The following ELAVL4 variants were observed in gnomAD, a reference collection of about 807,000 sequenced individuals.
ELAVL4 encodes the protein ELAV like RNA binding protein 4.
ELAVL4 carries 1 observed loss-of-function variant against 35.6 expected under a neutral mutation model. The observed-to-expected ratio is 0.03, with a 90% CI of 0.01 to 0.13. The LOEUF (loss-of-function observed/expected upper bound fraction) is 0.13, where lower values mean the gene tolerates loss of function less well. Among genes scored for constraint, ELAVL4 ranks in the 10% least tolerant of loss-of-function variants. ELAVL4 has a pLI of 1.00. For synonymous variants in ELAVL4, 156 were observed against 171.0 expected (o/e 0.91, Z 0.69); for missense variants, 267 against 464.9 (o/e 0.57, Z 3.91).
At chr1:50,178,326 T>G (rs952279839) in intron 3 of ELAVL4, among the ~76,000 whole-genome samples, 11 of 152,218 alleles carry the variant, frequency 7.2e-5, no homozygotes, top group African/African-American at 2.7e-4. Flanking sequence ...CCAGAACTTT[T>G]TAGTCCAACA....
At chr1:50,103,909 A>G (rs1666116931), upstream of ELAVL4, 1 of 1,612,704 alleles carries the variant, frequency 6.2e-7, no homozygotes, top group Non-Finnish European at 8.5e-7. Context: ...AGAGAGGCTC[A>G]GTCTGACTTG....
At chr1:50,058,026 G>A (rs575524890) in intron 1 of ELAVL4, among the ~76,000 whole-genome samples, 4 of 152,110 alleles carry the variant, frequency 2.6e-5, no homozygotes, top group East Asian at 1.9e-4. Context: ...AGACAGCACC[G>A]AAACATTTTT....
intron 2 of ELAVL4, among the ~76,000 whole-genome samples, chr1:50,155,734 C>T (rs896202430): frequency 2.0e-5 from 3 of 152,136 alleles, no homozygotes; most frequent in East Asian, 1.9e-4. Context: ...TTTCAGCTTC[C>T]GTCTTTCTCG....
chr1:50,199,492 G>C (rs980820100), intron 6 of ELAVL4, among the ~76,000 whole-genome samples: 1 of 152,178 alleles, frequency 6.6e-6, no homozygotes, highest in Admixed American at 6.5e-5. Flanking sequence ...GATCACCTGA[G>C]GTCAGAAGTT....
chr1:50,134,605 T>A (rs1013295135), intron 1 of ELAVL4, among the ~76,000 whole-genome samples: 1 of 152,164 alleles, frequency 6.6e-6, no homozygotes, highest in African/African-American at 2.4e-5. Flanking sequence ...CCCACAAAAT[T>A]GTATTTTTAT....
intron 2 of ELAVL4, among the ~76,000 whole-genome samples, chr1:50,151,520 G>A (rs1674783754): frequency 2.6e-5 from 4 of 152,052 alleles, no homozygotes; most frequent in Admixed American, 2.6e-4. Context: ...TACAATTTAA[G>A]CATAATAAAA....
In ELAVL4 at chr1:50,169,849, A is replaced by G. The variant is rs148056911; in HGVS notation, c.251-7240A>G. On this transcript the variant is annotated intron_variant, in intron 2 of 6. Transcript: ENST00000371824. ...TTATATATAGCTTTAAAAGAAAAAT[A>G]CCTGTTATATGTATTATTTTTGCTG... Among the ~76,000 whole-genome samples the G allele has an allele frequency of 5.5e-4, 83 of 152,264 alleles. 2 individuals are homozygous for G. The East Asian group carries it at 0.014, about 26-fold the overall frequency.
chr1:50,137,587 A>G (rs1489748503), intron 1 of ELAVL4, among the ~76,000 whole-genome samples: 1 of 152,152 alleles, frequency 6.6e-6, no homozygotes, highest in Non-Finnish European at 1.5e-5. Flanking sequence ...CATTTTTAGT[A>G]CATCCGTACA....
chr1:50,065,897 T>C (rs2148482488), intron 1 of ELAVL4, among the ~76,000 whole-genome samples: 1 of 152,254 alleles, frequency 6.6e-6, no homozygotes, highest in South Asian at 2.1e-4. Flanking sequence ...GTGATCTCTT[T>C]TCCTCTAGAA....
At chr1:50,163,671 C>A (rs1484661392) in intron 2 of ELAVL4, among the ~76,000 whole-genome samples, 1 of 152,002 alleles carries the variant, frequency 6.6e-6, no homozygotes, top group Non-Finnish European at 1.5e-5. Context: ...ACTAAAAATA[C>A]AAAAATTAGG....
intron 1 of ELAVL4, among the ~76,000 whole-genome samples, chr1:50,050,757 A>G (rs1047004955): frequency 3.3e-5 from 5 of 152,088 alleles, no homozygotes; most frequent in Admixed American, 1.3e-4. Flanking sequence ...GCTCATTTGC[A>G]TAATATGATA....
intron 1 of ELAVL4, among the ~76,000 whole-genome samples, chr1:50,055,785 C>A (rs577068146): frequency 1.3e-5 from 2 of 152,002 alleles, no homozygotes; most frequent in South Asian, 2.1e-4. Context: ...GCTCCTTCAA[C>A]GAAAACCTTT....
At chr1:50,141,842 A>T (rs1238373078) in intron 1 of ELAVL4, 1 of 152,328 alleles carries the variant, frequency 6.6e-6, no homozygotes, top group African/African-American at 2.4e-5. Flanking sequence ...GGAGCCACTT[A>T]AATTACTTAC....
intron 1 of ELAVL4, among the ~76,000 whole-genome samples, chr1:50,135,355 A>G (rs1671712739): frequency 6.6e-6 from 1 of 152,208 alleles, no homozygotes; most frequent in South Asian, 2.1e-4. Flanking sequence ...CAGTCAGTTC[A>G]GTATCAAAAC....
chr1:50,136,014 C>G (rs1477727218), intron 1 of ELAVL4, among the ~76,000 whole-genome samples: 1 of 151,958 alleles, frequency 6.6e-6, no homozygotes, highest in African/African-American at 2.4e-5. Flanking sequence ...TGAATCATAA[C>G]CAGGAAAGTG....
At chr1:50,149,583 G>A (rs1366787249) in intron 2 of ELAVL4, among the ~76,000 whole-genome samples, 4 of 119,120 alleles carry the variant, frequency 3.4e-5, no homozygotes, top group Non-Finnish European at 4.9e-5. Context: ...TCACTCTGTT[G>A]CCCAGACTGG....
At chr1:50,163,905 A>G (rs981532735) in intron 2 of ELAVL4, among the ~76,000 whole-genome samples, 5 of 152,202 alleles carry the variant, frequency 3.3e-5, no homozygotes, top group African/African-American at 1.2e-4. Context: ...TATTTAGCAT[A>G]CAAATGAGCA....
At position 50,199,944 on chromosome 1, in the gene ELAVL4, C is replaced by G. The variant is rs567665556; in HGVS notation, c.774-907C>G. On this transcript the variant is annotated intron_variant, in intron 6 of 6. Coordinates refer to ENST00000371824, the MANE Select transcript of ELAVL4 (RefSeq NM_001144774.3). Reference sequence around the variant, plus strand: ...ACAAAAACTGAGAAGATTTCTAAACCTAATACAAAAGCAGTTGTAATAGGG... The same window carrying G: ...ACAAAAACTGAGAAGATTTCTAAACGTAATACAAAAGCAGTTGTAATAGGG... 6.4e-4 allele frequency among the ~76,000 whole-genome samples: 97 copies of G among 152,208 alleles called. 1 individual carries two copies. Among genetic ancestry groups the G allele is most frequent in the African/African-American group, 2.2e-3 (92 of 41,534 alleles).
At chr1:50,148,616 G>A (rs1184502558) in intron 2 of ELAVL4, among the ~76,000 whole-genome samples, 1 of 152,168 alleles carries the variant, frequency 6.6e-6, no homozygotes, top group Non-Finnish European at 1.5e-5. Flanking sequence ...GGCATATCCT[G>A]AGTTGCTTTT....
Sources: gnomAD v4.1 joint callset for allele counts (sites outside exome capture counted in the v4.1 genomes callset) on GRCh38, gnomAD v4.1.1 for gene constraint, MANE v1.5 for transcripts, NCBI Gene and HGNC (gene_info 2026-07-23, HGNC 2026-07-21) for gene names.